Variants in TBC1D5 observed in about 807,000 individuals in gnomAD.
TBC1D5 encodes TBC1 domain family, member 5.
In TBC1D5, 75 loss-of-function variants were observed where a neutral mutation model predicts 100.3. The observed-to-expected ratio is 0.75, with a 90% CI of 0.62 to 0.91. TBC1D5 has a LOEUF of 0.91. Ranked by LOEUF, TBC1D5 falls within the 40% of genes least tolerant of loss-of-function variation. The probability of loss-of-function intolerance (pLI) is 0.00; values close to 1 mark genes in which losing one functional copy is unlikely to be tolerated. For missense variants in TBC1D5, 910 were observed against 942.4 expected (o/e 0.97, Z 0.45); for synonymous variants, 323 against 325.6 (o/e 0.99, Z 0.09).
intron 3 of TBC1D5, among the ~76,000 whole-genome samples, chr3:17,456,745 ATC>A (rs150750173): frequency 0.016 from 2,504 of 152,332 alleles, 50 homozygotes; most frequent in South Asian, 0.047. Flanking sequence ...TTCCTCAAAA[ATC>A]TAAAATACAA....
chr3:17,177,649 G>A (rs563602510), intron 19 of TBC1D5, among the ~76,000 whole-genome samples: 4 of 152,310 alleles, frequency 2.6e-5, no homozygotes, highest in South Asian at 4.1e-4. Context: ...GTAACACCAA[G>A]TCATTCAAAG....
chr3:17,646,943 AT>A (rs1470133178), intron 1 of TBC1D5: 2 of 151,936 alleles, frequency 1.3e-5, no homozygotes, highest in African/African-American at 4.8e-5. Flanking sequence ...TTCCATCTTT[AT>A]GTCCATGCAT....
chr3:17,280,742 T>C (rs576807922), intron 15 of TBC1D5, among the ~76,000 whole-genome samples: 49 of 152,236 alleles, frequency 3.2e-4, no homozygotes, highest in African/African-American at 1.2e-3. Flanking sequence ...TGCGACCTGA[T>C]TTTTCCAGAT....
chr3:17,347,536 AT>A (rs1049511029), intron 13 of TBC1D5, among the ~76,000 whole-genome samples: 28 of 152,018 alleles, frequency 1.8e-4, no homozygotes, highest in African/African-American at 5.8e-4. Context: ...ATAAGCCTAA[AT>A]TTTTTTTCTG....
At chr3:17,612,226 A>C (rs2061723332) in intron 2 of TBC1D5, among the ~76,000 whole-genome samples, 1 of 149,428 alleles carries the variant, frequency 6.7e-6, no homozygotes, top group African/African-American at 2.5e-5. Flanking sequence ...CTTGAGCCCC[A>C]GGGGTCTAGG....
At chr3:17,591,262 A>AAAAAAAAAAAAAAAAAAAAAG (rs763680272) in intron 2 of TBC1D5, among the ~76,000 whole-genome samples, 1 of 112,798 alleles carries the variant, frequency 8.9e-6, no homozygotes, top group Admixed American at 1.0e-4. Flanking sequence ...AAAAAAAAAA[A>AAAAAAAAAAAAAAAAAAAAAG]AAAACAAAAA....
intron 13 of TBC1D5, among the ~76,000 whole-genome samples, chr3:17,336,551 C>CA (rs2087839908): frequency 6.6e-6 from 1 of 151,992 alleles, no homozygotes; most frequent in Non-Finnish European, 1.5e-5. Flanking sequence ...GCTACATCTC[C>CA]AGCCATCATA....
chr3:17,538,101 G>A (rs569249757), intron 2 of TBC1D5, among the ~76,000 whole-genome samples: 1 of 152,254 alleles, frequency 6.6e-6, no homozygotes, highest in East Asian at 1.9e-4. Flanking sequence ...AGGTAGTTAG[G>A]CAGATATGGA....
chr3:17,266,196 C>T (rs1237912452), intron 15 of TBC1D5, among the ~76,000 whole-genome samples: 3 of 152,122 alleles, frequency 2.0e-5, no homozygotes, highest in Non-Finnish European at 4.4e-5. Context: ...AAAGGTCTCA[C>T]CATTTCTGTC....
At chr3:17,585,252 G>T (rs2096725893) in intron 2 of TBC1D5, among the ~76,000 whole-genome samples, 1 of 152,074 alleles carries the variant, frequency 6.6e-6, no homozygotes, top group African/African-American at 2.4e-5. Context: ...GATCACTTTG[G>T]GCAAGGATCT....
At chr3:17,464,674 G>A (rs1298051890) in intron 3 of TBC1D5, among the ~76,000 whole-genome samples, 4 of 151,700 alleles carry the variant, frequency 2.6e-5, no homozygotes, top group Non-Finnish European at 4.4e-5. Context: ...TGACACTTAC[G>A]GTTTTCACCC....
At chr3:17,572,144 A>G (rs2096631080) in intron 2 of TBC1D5, among the ~76,000 whole-genome samples, 1 of 151,882 alleles carries the variant, frequency 6.6e-6, no homozygotes, top group African/African-American at 2.4e-5. Context: ...ATGAGTCTGA[A>G]GGCTTTCCCT....
rs559245293 is a variant in TBC1D5, at chr3:17,679,092, AC to A, written c.-100-55180del. Reference sequence around the variant, plus strand: ...GAAAAAGTTACAGAAAAAAAAAAAAACAATGAGTTGGGATCCACGGATATGA... The same window carrying A: ...GAAAAAGTTACAGAAAAAAAAAAAAAAATGAGTTGGGATCCACGGATATGA... On this transcript the variant is annotated intron_variant, in intron 1 of 21. Coordinates refer to ENST00000253692, the Ensembl canonical transcript of TBC1D5. Among the ~76,000 whole-genome samples, 8 of 144,448 alleles carry A rather than the reference AC, an allele frequency of 5.5e-5. 1 individual carries two copies. Among genetic ancestry groups the A allele is most frequent in the South Asian group, 2.2e-4 (1 of 4,496 alleles). The allele number at this position is 144,448 out of a possible 152,430, so 94.8% of individuals were successfully genotyped here.
rs192828785 is a variant in TBC1D5, at chr3:17,238,606, G to A, written c.1332-187C>T. Among the ~76,000 whole-genome samples the A allele has an allele frequency of 7.5e-4, 114 of 152,206 alleles. 2 individuals carry two copies. The South Asian group carries it at 0.011, about 15-fold the overall frequency. On this transcript the variant is annotated intron_variant, in intron 16 of 21. Transcript: ENST00000253692. ...AAATAATGAGTTTCTTAAAAACATA[G>A]CTTATGGAAAACAGTCTTATTTACA...
chr3:17,606,134 A>T (rs2061321464), intron 2 of TBC1D5, among the ~76,000 whole-genome samples: 1 of 152,176 alleles, frequency 6.6e-6, no homozygotes, highest in Non-Finnish European at 1.5e-5. Flanking sequence ...TTTACCAAAA[A>T]TATTTTCACC....
At chr3:17,247,032 C>T (rs577538226) in intron 16 of TBC1D5, among the ~76,000 whole-genome samples, 16 of 152,228 alleles carry the variant, frequency 1.1e-4, no homozygotes, top group Admixed American at 4.6e-4. Flanking sequence ...CACCTGGGTC[C>T]TGGGTCACAC....
At chr3:17,455,288 GTA>G (rs1491499099) in intron 3 of TBC1D5, among the ~76,000 whole-genome samples, 1 of 144,734 alleles carries the variant, frequency 6.9e-6, no homozygotes, top group Non-Finnish European at 1.5e-5. Context: ...GTGTATATAT[GTA>G]TATATGTATG....
chr3:17,485,911 C>T (rs894400234), intron 3 of TBC1D5, among the ~76,000 whole-genome samples: 4 of 152,226 alleles, frequency 2.6e-5, no homozygotes, highest in African/African-American at 7.2e-5. Context: ...CCTGAGGAAT[C>T]GCCACACTGA....
chr3:17,712,998 C>T (rs1292065063), intron 1 of TBC1D5, among the ~76,000 whole-genome samples: 1 of 152,124 alleles, frequency 6.6e-6, no homozygotes, highest in Admixed American at 6.5e-5. Flanking sequence ...CATCAAACTC[C>T]CTGCAGCATA....
Sources: allele counts gnomAD v4.1 joint callset (sites outside exome capture counted in the v4.1 genomes callset), GRCh38; gene constraint gnomAD v4.1.1; transcripts MANE v1.5; gene names NCBI Gene and HGNC (gene_info 2026-07-23, HGNC 2026-07-21).